Variants in SCRG1 observed in about 807,000 individuals in gnomAD.
SCRG1 encodes stimulator of chondrogenesis 1.
Under a neutral mutation model 7.7 loss-of-function variants are expected in SCRG1, and 3 were observed. The observed-to-expected ratio is 0.39, with a 90% confidence interval of 0.18 to 1.01. The LOEUF is 1.01. SCRG1 is among the 50% of genes least tolerant of loss of function. SCRG1 has a pLI of 0.36. For synonymous variants in SCRG1, 46 were observed against 41.2 expected (o/e 1.12, Z -0.44); for missense variants, 110 against 117.2 (o/e 0.94, Z 0.28).
the SCRG1 span, among the ~76,000 whole-genome samples, chr4:173,417,436 C>T: frequency 6.6e-6 from 1 of 152,116 alleles, no homozygotes; most frequent in Non-Finnish European, 1.5e-5. Flanking sequence ...CCTAAGCCTC[C>T]AAAGGAATTG....
At chr4:173,400,593 A>G (rs1039649150), upstream of SCRG1, among the ~76,000 whole-genome samples, 1 of 152,258 alleles carries the variant, frequency 6.6e-6, no homozygotes, top group African/African-American at 2.4e-5. Context: ...CAGGTATTCA[A>G]CTAAATGATA....
chr4:173,441,646 T>C, the SCRG1 span, among the ~76,000 whole-genome samples: 1 of 152,250 alleles, frequency 6.6e-6, no homozygotes, highest in African/African-American at 2.4e-5. Context: ...GTATTAACTA[T>C]GTGTAAACCA....
At chr4:173,413,499 C>T in the SCRG1 span, among the ~76,000 whole-genome samples, 11 of 152,132 alleles carry the variant, frequency 7.2e-5, no homozygotes, top group South Asian at 1.2e-3. Flanking sequence ...CCCCAGAACT[C>T]GAAAACCATT....
At chr4:173,486,312 G>T in the SCRG1 span, among the ~76,000 whole-genome samples, 1 of 152,236 alleles carries the variant, frequency 6.6e-6, no homozygotes, top group African/African-American at 2.4e-5. Flanking sequence ...TCTGCTCCTA[G>T]GTGATTTTAA....
the SCRG1 span, chr4:173,419,814 C>G: frequency 1.4e-6 from 2 of 1,447,808 alleles, no homozygotes; most frequent in East Asian, 2.3e-5. Context: ...TCCACTTGGC[C>G]TTCATAGATC....
At chr4:173,456,672 T>C in the SCRG1 span, among the ~76,000 whole-genome samples, 3 of 152,272 alleles carry the variant, frequency 2.0e-5, no homozygotes, top group South Asian at 4.1e-4. Context: ...TATCCAGCAC[T>C]GGTAAGGCAA....
In SCRG1 at chr4:173,398,786, G is replaced by A. The variant is rs1578966216; in HGVS notation, c.-15+282C>T. ...GGGACAACATTCAGAGTAAATTTGG[G>A]CATTAAATAAATGATAGTGAAGAAT... is the stretch of plus-strand genomic sequence containing the variant. On this transcript the variant is annotated intron_variant, in intron 1 of 2. Transcript: ENST00000296506. Among the ~76,000 whole-genome samples, 4 of 152,272 alleles carry A rather than the reference G, an allele frequency of 2.6e-5. No individual in the cohort carries two copies. In the South Asian group the frequency reaches 8.3e-4, roughly 32 times the overall value.
chr4:173,483,299 ATATAT>A, the SCRG1 span, among the ~76,000 whole-genome samples: 1 of 46,986 alleles, frequency 2.1e-5, no homozygotes, highest in African/African-American at 7.6e-5. Context: ...ATCATATATG[ATATAT>A]TATATATTAC....
the SCRG1 span, among the ~76,000 whole-genome samples, chr4:173,442,667 C>T: frequency 6.6e-6 from 1 of 152,156 alleles, no homozygotes; most frequent in African/African-American, 2.4e-5. Context: ...TTACTTGGCT[C>T]GCAGTTCTAG....
intron 1 of SCRG1, among the ~76,000 whole-genome samples, chr4:173,396,741 T>TGTGTGTGTGAGA (rs35823365): frequency 3.4e-5 from 5 of 145,530 alleles, no homozygotes; most frequent in African/African-American, 1.3e-4. Flanking sequence ...TGTGTGTGTG[T>TGTGTGTGTGAGA]GTGTGTGTAT....
At chr4:173,438,424 A>T in the SCRG1 span, among the ~76,000 whole-genome samples, 1 of 152,094 alleles carries the variant, frequency 6.6e-6, no homozygotes, top group African/African-American at 2.4e-5. Flanking sequence ...TGTCTGACCA[A>T]CTAAGCTTTT....
the SCRG1 span, among the ~76,000 whole-genome samples, chr4:173,493,003 G>A: frequency 3.3e-5 from 5 of 152,260 alleles, no homozygotes; most frequent in East Asian, 9.7e-4. Context: ...TAAGAACAGG[G>A]TGCCCCAGTA....
chr4:173,505,547 A>C, the SCRG1 span, among the ~76,000 whole-genome samples: 1 of 152,192 alleles, frequency 6.6e-6, no homozygotes, highest in Non-Finnish European at 1.5e-5. This position sits in a 1 kb window ranked among gnomAD's most constrained non-coding sequence, Gnocchi z 4.4. Context: ...TCTTTGTAGG[A>C]GAAAAAATAG....
the SCRG1 span, among the ~76,000 whole-genome samples, chr4:173,485,201 G>A: frequency 0.088 from 1,892 of 21,382 alleles, 292 homozygotes; most frequent in African/African-American, 0.14. Context: ...TAATATATAT[G>A]ATATATTATA....
At chr4:173,458,377 A>G in the SCRG1 span, among the ~76,000 whole-genome samples, 2 of 152,206 alleles carry the variant, frequency 1.3e-5, no homozygotes, top group East Asian at 3.9e-4. Context: ...CATCAAAAAT[A>G]ATTAAAAAAA....
chr4:173,405,138 C>G (rs1739868021), intron 1 of SCRG1, among the ~76,000 whole-genome samples: 1 of 152,194 alleles, frequency 6.6e-6, no homozygotes, highest in Admixed American at 6.5e-5. Context: ...TGTAGTGTCT[C>G]TTCAGGCTCC....
the SCRG1 span, among the ~76,000 whole-genome samples, chr4:173,461,485 C>T: frequency 6.6e-6 from 1 of 152,224 alleles, no homozygotes; most frequent in Non-Finnish European, 1.5e-5. Context: ...TACGAGACTG[C>T]AAGAACCACA....
the SCRG1 span, among the ~76,000 whole-genome samples, chr4:173,455,145 G>T: frequency 1.3e-5 from 2 of 151,870 alleles, no homozygotes; most frequent in Non-Finnish European, 2.9e-5. Context: ...CGATTCTACG[G>T]TGAGGCCACT....
the SCRG1 span, among the ~76,000 whole-genome samples, chr4:173,483,068 T>A: frequency 2.3e-5 from 2 of 87,640 alleles, no homozygotes; most frequent in African/African-American, 8.5e-5. Flanking sequence ...ATATTTCATG[T>A]ATATTTTATA....
Sources: gnomAD v4.1 joint callset for allele counts (sites outside exome capture counted in the v4.1 genomes callset) on GRCh38, gnomAD v4.1.1 for gene constraint, Gnocchi (gnomAD v3.1) non-coding constraint, MANE v1.5 for transcripts, NCBI Gene and HGNC (gene_info 2026-07-23, HGNC 2026-07-21) for gene names.